SAP130: variants seen among roughly 807,000 people sequenced by gnomAD.
SAP130 encodes the protein histone deacetylase complex subunit SAP130.
SAP130 carries 16 observed loss-of-function variants against 103.2 expected under a neutral mutation model. The observed-to-expected ratio is 0.16, with a 90% CI of 0.10 to 0.24. The LOEUF (loss-of-function observed/expected upper bound fraction) is 0.24. Ranked by LOEUF, SAP130 falls within the 10% of genes least tolerant of loss-of-function variation. The pLI, the probability that SAP130 is intolerant of heterozygous loss-of-function variation, is 1.00. For synonymous variants in SAP130, 477 were observed against 497.0 expected, an observed-to-expected ratio of 0.96 and a Z score of 0.53; for missense variants, 990 against 1,359.7, an observed-to-expected ratio of 0.73 and a Z score of 4.28.
chr2:127,980,896 T>TCAACAAGAA (rs1553508159), intron 14 of SAP130, among the ~76,000 whole-genome samples: 1 of 150,510 alleles, frequency 6.6e-6, no homozygotes, highest in Non-Finnish European at 1.5e-5. Flanking sequence ...GACCCCCATC[T>TCAACAAGAA]CAACAACAAC....
At chr2:127,999,628 A>G in intron 10 of SAP130, 113 bp downstream of exon 10, 1 of 538,188 alleles carries the variant, frequency 1.9e-6, no homozygotes, top group Non-Finnish European at 3.1e-6. Context: ...AAAAAAAAAA[A>G]AAGAGGAAAT....
At chr2:127,983,444 G>GAAATGGTC (rs1682102506) in intron 14 of SAP130, among the ~76,000 whole-genome samples, 1 of 152,210 alleles carries the variant, frequency 6.6e-6, no homozygotes, top group South Asian at 2.1e-4. Context: ...GAAAATGGCA[G>GAAATGGTC]TGAGGCATGA....
chr2:127,976,884 A>G (rs1320624752), intron 15 of SAP130, among the ~76,000 whole-genome samples: 5 of 152,142 alleles, frequency 3.3e-5, no homozygotes, highest in African/African-American at 9.7e-5. Context: ...CTGGTGACAG[A>G]GCAAGACTCT....
At chr2:127,966,655 A>C (rs1019618618) in intron 15 of SAP130, among the ~76,000 whole-genome samples, 1 of 152,040 alleles carries the variant, frequency 6.6e-6, no homozygotes, top group Non-Finnish European at 1.5e-5. Context: ...GTGAGCTGAG[A>C]CTGCGCCACT....
At chr2:128,001,693 T>C (rs532827696) in intron 7 of SAP130, among the ~76,000 whole-genome samples, 30 of 152,344 alleles carry the variant, frequency 2.0e-4, no homozygotes, top group Admixed American at 1.6e-3. Context: ...GCAATAGTTA[T>C]AGCATCATAG....
intron 15 of SAP130, among the ~76,000 whole-genome samples, chr2:127,958,502 A>G (rs1032609404): frequency 6.6e-6 from 1 of 152,250 alleles, no homozygotes; most frequent in African/African-American, 2.4e-5. Context: ...TGAACACATA[A>G]GATATAAAGA....
intron 18 of SAP130, 26 bp downstream of exon 18, chr2:127,949,837 CATTAAT>C: frequency 1.2e-6 from 2 of 1,607,440 alleles, no homozygotes; most frequent in Non-Finnish European, 8.5e-7. Context: ...CAATTTCATG[CATTAAT>C]ATCAAGTGTT....
chr2:128,002,229 T>C (rs1683616755), intron 7 of SAP130, among the ~76,000 whole-genome samples: 1 of 152,160 alleles, frequency 6.6e-6, no homozygotes, highest in African/African-American at 2.4e-5. Flanking sequence ...AACTTTTTAA[T>C]TAACATAAGA....
chr2:127,966,965 C>T (rs1401182027), intron 15 of SAP130, among the ~76,000 whole-genome samples: 2 of 151,494 alleles, frequency 1.3e-5, no homozygotes. Flanking sequence ...AAATGTGAAA[C>T]GATGGAAAAA....
At position 127,955,114 on chromosome 2, in the gene SAP130, G is replaced by A; in HGVS notation, c.2294C>T (p.Thr765Ile). ...GAVPITPPIT[T>I]IAAAPPPSVT... ...TGATGGAGGTGGTGCAGCTGCAATGGTGGTGATGGGTGGAGTGATGGGGAC... is the reference window on the plus strand; with the variant it reads ...TGATGGAGGTGGTGCAGCTGCAATGATGGTGATGGGTGGAGTGATGGGGAC... The change falls in exon 16 of 21, where the codon ACC (threonine) becomes ATC (isoleucine). Residue 765 changes from threonine (T) to isoleucine (I), a missense_variant. By Grantham distance (89) the Thr-to-Ile change is moderately conservative. Coordinates refer to ENST00000643581, the MANE Select transcript of SAP130 (RefSeq NM_001330301.2). The surrounding 1 kb of genome is among the most constrained non-coding windows in gnomAD (Gnocchi z 4.9). 1 of 1,614,206 alleles carries A rather than the reference G, an allele frequency of 6.2e-7. No individual in the cohort carries two copies. The highest frequency in any genetic ancestry group is 2.2e-5 in the East Asian group (1 of 44,880).
intron 16 of SAP130, among the ~76,000 whole-genome samples, chr2:127,954,028 A>T (rs1679667099): frequency 6.6e-6 from 1 of 152,178 alleles, no homozygotes; most frequent in Non-Finnish European, 1.5e-5. Flanking sequence ...AGACTCCTAT[A>T]GGTTGAGGTA....
rs766114286 is a variant in SAP130, at chr2:127,986,933, C to T, written c.1810G>A (p.Val604Met). The T allele has an allele frequency of 1.6e-5, 26 of 1,613,588 alleles. No homozygotes were observed. The highest frequency in any genetic ancestry group is 5.0e-5 in the Admixed American group (3 of 59,996). Residue 604 changes from valine to methionine, a missense_variant, in exon 14 of 21, where the codon GTG (valine) becomes ATG (methionine). Coordinates refer to ENST00000643581, the MANE Select transcript of SAP130 (RefSeq NM_001330301.2). This position sits in a 1 kb window ranked among gnomAD's most constrained non-coding sequence, Gnocchi z 4.7. ...AATGGATTGCTAATAGGGTTGGCCA[C>T]AATTGTGGCTCCATCTGCCAACACC... ...AVVLADGATI[V>M]ANPISNPFSA...
chr2:128,012,816 C>CT (rs1371007046), intron 6 of SAP130, among the ~76,000 whole-genome samples: 1 of 151,666 alleles, frequency 6.6e-6, no homozygotes, highest in Admixed American at 6.6e-5. Context: ...CTTCACTTCT[C>CT]TGATTCCTCG....
chr2:128,000,178 G>C, intron 8 of SAP130, 32 bp from the exon 9 acceptor site: 1 of 1,611,070 alleles, frequency 6.2e-7, no homozygotes, highest in Non-Finnish European at 8.5e-7. Context: ...ACAGTTATAA[G>C]AACATTATCC....
rs1678775536 is a variant in SAP130 at position 127,942,437 on chromosome 2, T to C, written c.3002A>G (p.Asn1001Ser). The change falls in exon 20 of 21, where the codon AAC (asparagine) becomes AGC (serine). Residue 1001 changes from asparagine (N) to serine (S), a missense_variant. Transcript: ENST00000643581. The surrounding 1 kb of genome is among the most constrained non-coding windows in gnomAD (Gnocchi z 4.8). ...GCGCACTCAAACCTGTATCAGTTCGTTTATTCGGTGGAGATCATCATCTGT... is the reference window on the plus strand; with the variant it reads ...GCGCACTCAAACCTGTATCAGTTCGCTTATTCGGTGGAGATCATCATCTGT... ...AATDDDLHRI[N>S]ELIQGNMQRC... 2 of 1,611,934 alleles carry C rather than the reference T, an allele frequency of 1.2e-6. No homozygotes were observed. The highest frequency in any genetic ancestry group is 3.3e-5 in the Admixed American group (2 of 60,000).
At chr2:128,026,832 C>T (rs114274887) in intron 1 of SAP130, among the ~76,000 whole-genome samples, 1,631 of 152,342 alleles carry the variant, frequency 0.011, 25 homozygotes, top group African/African-American at 0.038. Flanking sequence ...TTTCCTTTTC[C>T]TTCTCTTCCA....
At chr2:127,976,687 G>A (rs1009127201) in intron 15 of SAP130, among the ~76,000 whole-genome samples, 1 of 152,218 alleles carries the variant, frequency 6.6e-6, no homozygotes, top group Non-Finnish European at 1.5e-5. Flanking sequence ...CAAGGCGGGC[G>A]GTTCACGAGG....
Position 128,007,157 on chromosome 2 carries a change from T to C in SAP130, c.869+3112A>G, listed in dbSNP as rs1002253780. On this transcript the variant is annotated intron_variant, in intron 7 of 20. Coordinates refer to ENST00000643581, the MANE Select transcript of SAP130 (RefSeq NM_001330301.2). ...ATCATACAGTTGGCCCTCAGTTTCA[T>C]AGGTGCCACATCTATGGATTCAACC... Among the ~76,000 whole-genome samples, 3 of 152,232 alleles carry C rather than the reference T, an allele frequency of 2.0e-5. No individual in the cohort carries two copies. In the South Asian group the frequency reaches 6.2e-4, roughly 31 times the overall value.
At chr2:128,025,267 T>C (rs2105265501) in intron 2 of SAP130, among the ~76,000 whole-genome samples, 1 of 152,346 alleles carries the variant, frequency 6.6e-6, no homozygotes, top group South Asian at 2.1e-4. Flanking sequence ...TTAAGCAGTA[T>C]CCCTGGCCTC....
Sources: gnomAD v4.1 joint callset for allele counts (sites outside exome capture counted in the v4.1 genomes callset) on GRCh38, gnomAD v4.1.1 for gene constraint, Gnocchi (gnomAD v3.1) non-coding constraint, MANE v1.5 for transcripts, NCBI Gene and HGNC (gene_info 2026-07-23, HGNC 2026-07-21) for gene names.